The following LINGO2 variants were observed in gnomAD, a reference collection of about 807,000 sequenced individuals.
The protein encoded by LINGO2 is leucine rich repeat and Ig domain containing 2, also known as leucine-rich repeat and immunoglobulin-like domain-containing nogo receptor-interacting protein 2.
In LINGO2, 14 loss-of-function variants were observed where a neutral mutation model predicts 30.6. The observed-to-expected ratio is 0.46, with a 90% CI of 0.30 to 0.72. LINGO2 has a LOEUF of 0.72. Among genes scored for constraint, LINGO2 ranks in the 30% least tolerant of loss-of-function variants. LINGO2 has a pLI of 0.07. For synonymous variants in LINGO2, 317 were observed against 288.5 expected (o/e 1.10, Z -1.00); for missense variants, 729 against 751.7 (o/e 0.97, Z 0.35).
chr9:28,649,861 G>T (rs1828011885), intron 1 of LINGO2, among the ~76,000 whole-genome samples: 1 of 152,070 alleles, frequency 6.6e-6, no homozygotes, highest in African/African-American at 2.4e-5. Flanking sequence ...CAAAGAGAGA[G>T]TGCAGAAAGG....
the LINGO2 span, among the ~76,000 whole-genome samples, chr9:28,746,946 A>G: frequency 1.8e-3 from 281 of 152,180 alleles, 2 homozygotes; most frequent in Non-Finnish European, 2.8e-4. Flanking sequence ...CTGAATGACT[A>G]TATGTCACAC....
the LINGO2 span, among the ~76,000 whole-genome samples, chr9:28,850,524 C>CA: frequency 6.6e-6 from 1 of 151,904 alleles, no homozygotes; most frequent in Admixed American, 6.6e-5. Flanking sequence ...GAACTATGGA[C>CA]AAAAAAGACA....
chr9:27,981,571 A>AG (rs1820875104), intron 5 of LINGO2, among the ~76,000 whole-genome samples: 23 of 74,228 alleles, frequency 3.1e-4, no homozygotes, highest in Admixed American at 1.2e-3. Flanking sequence ...AAAAAAAAAG[A>AG]AAAAAAAAAG....
chr9:28,377,589 A>G (rs547732622), intron 2 of LINGO2, among the ~76,000 whole-genome samples: 110 of 152,298 alleles, frequency 7.2e-4, no homozygotes, highest in African/African-American at 2.5e-3. Flanking sequence ...TCAAAGCTCA[A>G]GTGGATATAG....
chr9:28,509,247 G>C (rs1477862741), intron 1 of LINGO2, among the ~76,000 whole-genome samples: 1 of 151,986 alleles, frequency 6.6e-6, no homozygotes, highest in Non-Finnish European at 1.5e-5. Flanking sequence ...ACGTCCAATG[G>C]GCTACCTCTG....
intron 1 of LINGO2, among the ~76,000 whole-genome samples, chr9:28,542,268 A>G (rs898200500): frequency 4.6e-5 from 7 of 151,772 alleles, no homozygotes; most frequent in African/African-American, 1.7e-4. Context: ...GGTAAGGTAG[A>G]TCCTGAAAAA....
At chr9:28,765,037 G>A in the LINGO2 span, among the ~76,000 whole-genome samples, 10,787 of 151,800 alleles carry the variant, frequency 0.071, 1,356 homozygotes, top group African/African-American at 0.24. Context: ...TTATGGATTG[G>A]GAAAATTAAT....
At chr9:28,809,671 G>A in the LINGO2 span, among the ~76,000 whole-genome samples, 387 of 151,612 alleles carry the variant, frequency 2.6e-3, 2 homozygotes, top group African/African-American at 7.0e-3. Flanking sequence ...GCTTGAACCC[G>A]GGAGGCGGAG....
rs138441380 is a variant in LINGO2 at position 28,522,019 on chromosome 9, C to G, written c.-364-45994G>C. Among the ~76,000 whole-genome samples, 4 of 152,276 alleles carry G rather than the reference C, an allele frequency of 2.6e-5. No individual in the cohort carries two copies. In the East Asian group the frequency reaches 5.8e-4, roughly 22 times the overall value. ...CATTACAACACCTTTGGACTTCCAG[C>G]CTTCAGAACTGTGAGAGAATAAATT... is the stretch of plus-strand genomic sequence containing the variant. On this transcript the variant is annotated intron_variant, in intron 1 of 5. Coordinates refer to ENST00000379992, the Ensembl canonical transcript of LINGO2.
the LINGO2 span, among the ~76,000 whole-genome samples, chr9:28,939,127 G>A: frequency 3.9e-5 from 6 of 152,072 alleles, 1 homozygote; most frequent in African/African-American, 7.2e-5. Context: ...AAGAATGACC[G>A]TGGAGGTGAA....
chr9:28,601,888 A>G (rs973077007), intron 1 of LINGO2, among the ~76,000 whole-genome samples: 16 of 152,126 alleles, frequency 1.1e-4, no homozygotes, highest in Non-Finnish European at 2.2e-4. Context: ...GAAAAAAGGC[A>G]GATTGAGAGT....
chr9:29,042,336 T>G, the LINGO2 span, among the ~76,000 whole-genome samples: 1 of 151,980 alleles, frequency 6.6e-6, no homozygotes, highest in Admixed American at 6.6e-5. Flanking sequence ...GAAATTGCAC[T>G]CTTGCACATT....
the LINGO2 span, among the ~76,000 whole-genome samples, chr9:28,800,949 G>C: frequency 6.6e-6 from 1 of 152,204 alleles, no homozygotes; most frequent in Non-Finnish European, 1.5e-5. Flanking sequence ...CAGATGGACA[G>C]TTAATAAGCC....
chr9:28,812,580 C>T, the LINGO2 span, among the ~76,000 whole-genome samples: 1 of 152,076 alleles, frequency 6.6e-6, no homozygotes, highest in Non-Finnish European at 1.5e-5. Context: ...GCTACATGCA[C>T]CAAGAGAAAG....
At chr9:28,257,070 C>G (rs1381798255) in intron 4 of LINGO2, among the ~76,000 whole-genome samples, 1 of 150,842 alleles carries the variant, frequency 6.6e-6, no homozygotes, top group African/African-American at 2.4e-5. Flanking sequence ...TAATCAATCC[C>G]CATGGACTTT....
chr9:27,979,609 T>A (rs906541133), intron 5 of LINGO2, among the ~76,000 whole-genome samples: 1 of 151,880 alleles, frequency 6.6e-6, no homozygotes, highest in African/African-American at 2.4e-5. Context: ...TCTACGTGAA[T>A]GAAAAAGGAA....
At chr9:28,837,011 C>T in the LINGO2 span, among the ~76,000 whole-genome samples, 2 of 152,146 alleles carry the variant, frequency 1.3e-5, no homozygotes, top group East Asian at 1.9e-4. Context: ...TATTACAGGA[C>T]AAAGTTATCC....
chr9:28,591,846 G>A (rs541606502), intron 1 of LINGO2, among the ~76,000 whole-genome samples: 3 of 152,020 alleles, frequency 2.0e-5, no homozygotes, highest in African/African-American at 7.2e-5. Context: ...GGAAACTCTA[G>A]CTATAGCTGT....
chr9:28,593,506 G>C (rs922390318), intron 1 of LINGO2, among the ~76,000 whole-genome samples: 1 of 151,998 alleles, frequency 6.6e-6, no homozygotes, highest in Non-Finnish European at 1.5e-5. Context: ...TTGGTCTGTA[G>C]AAAGAAGAAT....
Sources: gnomAD v4.1 joint callset for allele counts (sites outside exome capture counted in the v4.1 genomes callset) on GRCh38, gnomAD v4.1.1 for gene constraint, MANE v1.5 for transcripts, NCBI Gene and HGNC (gene_info 2026-07-23, HGNC 2026-07-21) for gene names.